AFG2A: variants seen among roughly 807,000 people sequenced by gnomAD.
AFG2A encodes AAA ATPase AFG2A.
At chr4:122,972,074 A>G in the AFG2A span, among the ~76,000 whole-genome samples, 2 of 152,152 alleles carry the variant, frequency 1.3e-5, no homozygotes, top group African/African-American at 4.8e-5. Context: ...ATTTTTTAAA[A>G]ATTAATGTCA....
At chr4:123,108,566 G>A in the AFG2A span, among the ~76,000 whole-genome samples, 3 of 152,022 alleles carry the variant, frequency 2.0e-5, no homozygotes, top group African/African-American at 4.8e-5. Flanking sequence ...GATATTTGAT[G>A]ACAGACTTAG....
At chr4:123,038,063 A>C in the AFG2A span, among the ~76,000 whole-genome samples, 1 of 152,080 alleles carries the variant, frequency 6.6e-6, no homozygotes, top group Non-Finnish European at 1.5e-5. Flanking sequence ...AGGTCACAGT[A>C]CTTGTACTTT....
chr4:123,208,553 T>G, the AFG2A span, among the ~76,000 whole-genome samples: 2 of 152,180 alleles, frequency 1.3e-5, no homozygotes, highest in Non-Finnish European at 2.9e-5. Flanking sequence ...TGAGACCAAA[T>G]TTTTATTTGT....
the AFG2A span, among the ~76,000 whole-genome samples, chr4:123,015,692 C>T: frequency 6.6e-6 from 1 of 151,602 alleles, no homozygotes; most frequent in Non-Finnish European, 1.5e-5. Context: ...TATCAATGAG[C>T]TGTTGGGTAC....
At chr4:123,176,965 A>G in the AFG2A span, among the ~76,000 whole-genome samples, 3 of 152,180 alleles carry the variant, frequency 2.0e-5, no homozygotes, top group Non-Finnish European at 4.4e-5. Context: ...AAAATAAAAC[A>G]TGCCCACCAG....
the AFG2A span, among the ~76,000 whole-genome samples, chr4:123,043,849 T>C: frequency 1.3e-5 from 2 of 152,342 alleles, no homozygotes; most frequent in East Asian, 3.9e-4. Context: ...TGGGCATTTT[T>C]GTGCTAAAGC....
the AFG2A span, among the ~76,000 whole-genome samples, chr4:122,995,488 G>A: frequency 2.6e-5 from 4 of 152,152 alleles, no homozygotes; most frequent in East Asian, 1.9e-4. Context: ...CCAGAATCAA[G>A]ATTGTAGTTT....
chr4:123,059,488 A>AT, the AFG2A span, among the ~76,000 whole-genome samples: 1 of 151,974 alleles, frequency 6.6e-6, no homozygotes, highest in African/African-American at 2.4e-5. Flanking sequence ...TGAACTCATC[A>AT]TTTTTTATGG....
At chr4:123,089,964 C>T in the AFG2A span, among the ~76,000 whole-genome samples, 66 of 152,240 alleles carry the variant, frequency 4.3e-4, no homozygotes, top group Non-Finnish European at 7.8e-4. Context: ...GTGTTTAGAA[C>T]TGGCTTTGTA....
the AFG2A span, among the ~76,000 whole-genome samples, chr4:123,136,362 G>A: frequency 2.0e-5 from 3 of 151,750 alleles, no homozygotes; most frequent in Non-Finnish European, 4.4e-5. Flanking sequence ...GGAGAAACCC[G>A]GTCTCTACTA....
At chr4:123,045,818 G>A in the AFG2A span, among the ~76,000 whole-genome samples, 670 of 152,068 alleles carry the variant, frequency 4.4e-3, 4 homozygotes, top group African/African-American at 0.015. Context: ...TGTTTTGGCC[G>A]GGCGAGGTGG....
the AFG2A span, among the ~76,000 whole-genome samples, chr4:123,290,125 A>G: frequency 1.3e-5 from 2 of 152,166 alleles, no homozygotes; most frequent in Non-Finnish European, 2.9e-5. Flanking sequence ...TAGTTTGACA[A>G]TATTTTCTCT....
chr4:123,027,050 C>T, the AFG2A span, among the ~76,000 whole-genome samples: 46 of 152,246 alleles, frequency 3.0e-4, no homozygotes, highest in South Asian at 9.5e-3. Flanking sequence ...CCAGAACCCA[C>T]AATTATAGCT....
At chr4:123,045,496 G>T in the AFG2A span, among the ~76,000 whole-genome samples, 1 of 152,196 alleles carries the variant, frequency 6.6e-6, no homozygotes, top group Non-Finnish European at 1.5e-5. Context: ...GTTGGTAACA[G>T]TTTCTTCAGT....
the AFG2A span, among the ~76,000 whole-genome samples, chr4:122,956,810 C>T: frequency 1.3e-5 from 2 of 152,064 alleles, no homozygotes; most frequent in African/African-American, 4.8e-5. Context: ...GTCCCAAATA[C>T]TAGTGTATGT....
chr4:123,036,689 G>A, the AFG2A span, among the ~76,000 whole-genome samples: 1 of 152,090 alleles, frequency 6.6e-6, no homozygotes, highest in South Asian at 2.1e-4. Context: ...CATGGTCCCT[G>A]CAATGTAAGT....
chr4:122,933,379 C>T, the AFG2A span: 1 of 1,314,126 alleles, frequency 7.6e-7, no homozygotes, highest in Non-Finnish European at 1.1e-6. Flanking sequence ...AATTTTACAT[C>T]ACAGTTTAGT....
At chr4:123,254,450 T>G in the AFG2A span, among the ~76,000 whole-genome samples, 5 of 152,204 alleles carry the variant, frequency 3.3e-5, no homozygotes, top group East Asian at 9.6e-4. Flanking sequence ...CTCTAGATAC[T>G]CTCACACTAT....
chr4:123,283,641 AGAATGT>A, the AFG2A span, among the ~76,000 whole-genome samples: 1 of 152,216 alleles, frequency 6.6e-6, no homozygotes, highest in Non-Finnish European at 1.5e-5. Flanking sequence ...CCACAAGCTA[AGAATGT>A]TTTACCTTTT....
Sources: gnomAD v4.1 joint callset for allele counts (sites outside exome capture counted in the v4.1 genomes callset) on GRCh38, gnomAD v4.1.1 for gene constraint, MANE v1.5 for transcripts, NCBI Gene and HGNC (gene_info 2026-07-23, HGNC 2026-07-21) for gene names.